The following SLC43A1 variants were observed in gnomAD, a reference collection of about 807,000 sequenced individuals.
The protein encoded by SLC43A1 is solute carrier family 43 member 1.
A neutral mutation model predicts 59.5 loss-of-function variants in SLC43A1; 31 were observed. The ratio of observed to expected loss-of-function variants is 0.52; its 90% CI spans 0.39 to 0.70. SLC43A1 has a LOEUF of 0.70. Among genes scored for constraint, SLC43A1 ranks in the 30% least tolerant of loss-of-function variants. The pLI is 0.00. For synonymous variants in SLC43A1, 259 were observed against 290.9 expected, an observed-to-expected ratio of 0.89 and a Z score of 1.12; for missense variants, 598 against 717.8, an observed-to-expected ratio of 0.83 and a Z score of 1.91.
intron 2 of SLC43A1, among the ~76,000 whole-genome samples, chr11:57,512,919 C>G (rs80242165): frequency 6.6e-6 from 1 of 152,164 alleles, no homozygotes; most frequent in Admixed American, 6.5e-5. Context: ...CAAGACCTCC[C>G]CATCTCCACC....
chr11:57,513,938 C>CCCCCCCCCAATTA lies in SLC43A1; in HGVS notation c.154+19_154+20insTAATTGGGGGGGG. On this transcript the variant is annotated intron_variant, in intron 2 of 14. Coordinates refer to ENST00000278426, the MANE Select transcript of SLC43A1 (RefSeq NM_003627.6). ...TTGCCATCCCTCCCCCCAGCCCACC[C>CCCCCCCCCAATTA]AGCCCATTTTCAGGCATACCTGGGC... 6 of 1,311,328 alleles carry CCCCCCCCCAATTA rather than the reference C, an allele frequency of 4.6e-6. No homozygotes were observed. Among genetic ancestry groups the CCCCCCCCCAATTA allele is most frequent in the Admixed American group, 1.9e-5 (1 of 53,846 alleles). 81.2% of individuals were successfully genotyped at this position (1,311,328 alleles called of 1,614,324 possible). A position where few individuals can be genotyped will look rare whatever the true frequency, so the allele number is the denominator to read the frequency against.
At chr11:57,487,024 C>T in intron 14 of SLC43A1, 71 bp downstream of exon 14, 2 of 1,529,756 alleles carry the variant, frequency 1.3e-6, no homozygotes, top group Non-Finnish European at 1.8e-6. Flanking sequence ...GGGATGGCAC[C>T]ACATACAAGG....
Position 57,515,144 on chromosome 11 carries a change from G to A in SLC43A1, c.-14+300C>T. 6 of 900,416 alleles carry A rather than the reference G, an allele frequency of 6.7e-6. No individual in the cohort carries two copies. Among genetic ancestry groups the A allele is most frequent in the Non-Finnish European group, 8.0e-6 (6 of 752,428 alleles). The allele number at this position is 900,416 out of a possible 1,614,324, so 55.8% of individuals were successfully genotyped here. On this transcript the variant is annotated intron_variant, in intron 1 of 14. Coordinates refer to ENST00000278426, the MANE Select transcript of SLC43A1 (RefSeq NM_003627.6). This position sits in a 1 kb window ranked among gnomAD's most constrained non-coding sequence, Gnocchi z 5.3. ...GACTCGGTATTCTCATCTGTGAAAC[G>A]GGGCTTTGGGTTCAAGCGCTCCAGG...
chr11:57,500,719 C>A, intron 5 of SLC43A1, 60 bp downstream of exon 5: 1 of 1,484,220 alleles, frequency 6.7e-7, no homozygotes, highest in South Asian at 1.1e-5. Context: ...TCACCCCACT[C>A]ACTCTGCCCT....
chr11:57,487,141 G>C lies in SLC43A1; in HGVS notation c.1487C>G (p.Pro496Arg), dbSNP rs370735937. 6.2e-7 allele frequency: 1 copy of C among 1,613,970 alleles called. No individual in the cohort carries two copies. The highest frequency in any genetic ancestry group is 8.5e-7 in the Non-Finnish European group (1 of 1,179,982). The change falls in exon 14 of 15, where the codon CCA becomes CGA. Residue 496 changes from proline (P) to arginine (R), a missense_variant. By Grantham distance (103) the Pro-to-Arg change is moderately radical. Coordinates refer to ENST00000278426, the MANE Select transcript of SLC43A1 (RefSeq NM_003627.6). ...GGGTCCCACCATCGCCATGAAAAGT[G>C]GCTGCTGAAGCAAGGCGAACACAGC... is the stretch of plus-strand genomic sequence containing the variant. ...ISAVFALLQQ[P>R]LFMAMVGPLK... is the part of the protein sequence containing the mutation.
intron 2 of SLC43A1, among the ~76,000 whole-genome samples, chr11:57,502,730 C>T (rs1308474647): frequency 6.6e-5 from 10 of 151,790 alleles, no homozygotes. Flanking sequence ...AAAAATCAGC[C>T]GAGCATGGCG....
At chr11:57,513,131 T>C (rs1409793512) in intron 2 of SLC43A1, among the ~76,000 whole-genome samples, 3 of 152,188 alleles carry the variant, frequency 2.0e-5, no homozygotes, top group African/African-American at 7.2e-5. Context: ...CTCACCGAAG[T>C]CACCAACTGA....
intron 2 of SLC43A1, among the ~76,000 whole-genome samples, chr11:57,511,828 T>A (rs1420211938): frequency 1.3e-5 from 2 of 152,186 alleles, no homozygotes; most frequent in Admixed American, 1.3e-4. Flanking sequence ...AAATGAAATG[T>A]TCAGAATAGG....
Position 57,491,604 on chromosome 11 carries a change from CT to C in SLC43A1, c.1040del (p.Lys347ArgfsTer79). 6.2e-7 allele frequency: 1 copy of C among 1,614,172 alleles called. No homozygotes were observed. The highest frequency in any genetic ancestry group is 8.5e-7 in the Non-Finnish European group (1 of 1,180,022). ...QEHETNEQQQ[K>X]VAETVGFYSS... ...TCATAGCCCTACCTGTCTCTGCCAC[CT>C]TTTGTTGCTGTTCATTTGTCTCTGT... On this transcript the variant is annotated frameshift_variant, in exon 10 of 15. Transcript: ENST00000278426. LOFTEE classifies it high-confidence loss of function.
In SLC43A1 at chr11:57,491,271, C is replaced by A; in HGVS notation, c.1146G>T (p.Lys382Asn). 6.2e-7 allele frequency: 1 copy of A among 1,610,552 alleles called. No homozygotes were observed. Among genetic ancestry groups the A allele is most frequent in the East Asian group, 2.2e-5 (1 of 44,840 alleles). Residue 382 changes from lysine (K) to asparagine (N), a missense_variant, in exon 11 of 15, where the codon AAG becomes AAT. Physicochemically the swap from Lys to Asn is moderately conservative, Grantham distance 94. Transcript: ENST00000278426. ...LIGYIMDWRI[K>N]DCVDAPTQGT... ...CCTGAGTTGGGGCGTCCACGCAGTC[C>A]TTGATCCGCCAGTCCATGATGTAGC...
intron 5 of SLC43A1, among the ~76,000 whole-genome samples, chr11:57,498,594 C>A (rs1004556689): frequency 1.3e-5 from 2 of 152,184 alleles, no homozygotes; most frequent in African/African-American, 4.8e-5. Context: ...CCAGCCCTAA[C>A]CCAAGGCTGT....
intron 14 of SLC43A1, among the ~76,000 whole-genome samples, chr11:57,486,218 G>C (rs1943722214): frequency 6.6e-6 from 1 of 152,254 alleles, no homozygotes; most frequent in South Asian, 2.1e-4. Context: ...CAGGCACTGT[G>C]GCTCACGCCT....
chr11:57,493,730 G>A (rs1185608637), intron 8 of SLC43A1, among the ~76,000 whole-genome samples: 2 of 152,138 alleles, frequency 1.3e-5, no homozygotes, highest in African/African-American at 4.8e-5. Context: ...CTACCCGACA[G>A]GCCCAGAGAC....
At chr11:57,485,933 G>A (rs1481397056) in intron 14 of SLC43A1, among the ~76,000 whole-genome samples, 2 of 152,236 alleles carry the variant, frequency 1.3e-5, no homozygotes, top group Non-Finnish European at 2.9e-5. Flanking sequence ...GGCCCCACAG[G>A]GCAGATGAAA....
chr11:57,488,972 C>G lies in SLC43A1; in HGVS notation c.1353G>C (p.Leu451=), dbSNP rs1042824591. ...NLHLQFVTFV[L]HTIVRGFFHS... ...GGAAGAAACCTCGAACAATGGTGTG[C>G]AGGACAAAGGTCACAAACTAAAACC... Residue 451 remains leucine (L), a synonymous_variant, in exon 13 of 15, where the codon CTG becomes CTC. Transcript: ENST00000278426. 1.2e-5 allele frequency: 19 copies of G among 1,614,088 alleles called. No individual in the cohort carries two copies. The highest frequency in any genetic ancestry group is 1.5e-5 in the Non-Finnish European group (18 of 1,179,932).
chr11:57,513,769 G>A (rs749788937), intron 2 of SLC43A1, among the ~76,000 whole-genome samples, 189 bp downstream of exon 2: 13 of 152,158 alleles, frequency 8.5e-5, no homozygotes, highest in Non-Finnish European at 1.6e-4. Flanking sequence ...AGTGACCACT[G>A]GATTAGATAA....
chr11:57,489,989 G>C (rs985580712), intron 11 of SLC43A1, among the ~76,000 whole-genome samples: 2 of 152,184 alleles, frequency 1.3e-5, no homozygotes, highest in African/African-American at 4.8e-5. Context: ...CCTGCTAGGG[G>C]ACCCTCACCA....
At chr11:57,486,563 G>A (rs1324603870) in intron 14 of SLC43A1, among the ~76,000 whole-genome samples, 1 of 150,998 alleles carries the variant, frequency 6.6e-6, no homozygotes, top group African/African-American at 2.4e-5. Flanking sequence ...ACTTTGGGAG[G>A]CTGAGGAGGG....
intron 13 of SLC43A1, among the ~76,000 whole-genome samples, chr11:57,488,453 T>C (rs140588436): frequency 2.9e-4 from 44 of 152,288 alleles, no homozygotes; most frequent in African/African-American, 1.0e-3. Context: ...AACGGAGCAC[T>C]TGATAATGGT....
Sources: allele counts gnomAD v4.1 joint callset (sites outside exome capture counted in the v4.1 genomes callset), GRCh38; gene constraint gnomAD v4.1.1; non-coding constraint Gnocchi (gnomAD v3.1); transcripts MANE v1.5; gene names NCBI Gene and HGNC (gene_info 2026-07-23, HGNC 2026-07-21).